The following HCRTR2 variants were observed in gnomAD, a reference collection of about 807,000 sequenced individuals.
The protein encoded by HCRTR2 is hypocretin receptor 2.
A neutral mutation model predicts 49.0 loss-of-function variants in HCRTR2; 22 were observed. The ratio of observed to expected loss-of-function variants is 0.45; its 90% CI spans 0.32 to 0.64. HCRTR2 has a LOEUF of 0.64. Ranked by LOEUF, HCRTR2 falls within the 30% of genes least tolerant of loss-of-function variation. The probability of loss-of-function intolerance (pLI) is 0.04; values close to 1 mark genes in which losing one functional copy is unlikely to be tolerated. For synonymous variants in HCRTR2, 236 were observed against 205.3 expected (o/e 1.15, Z -1.28); for missense variants, 491 against 559.4 (o/e 0.88, Z 1.23).
intron 2 of HCRTR2, among the ~76,000 whole-genome samples, chr6:55,252,478 G>A (rs1766568538): frequency 6.6e-6 from 1 of 152,078 alleles, no homozygotes; most frequent in Non-Finnish European, 1.5e-5. Context: ...CTCTAGCCCA[G>A]AAGCTATGAA....
intron 1 of HCRTR2, among the ~76,000 whole-genome samples, chr6:55,108,954 A>G (rs900782358): frequency 6.6e-6 from 1 of 152,094 alleles, no homozygotes; most frequent in East Asian, 1.9e-4. Context: ...GGCTGCCTGC[A>G]TATAAACTCG....
chr6:55,273,250 G>C (rs1767009370), intron 4 of HCRTR2, among the ~76,000 whole-genome samples: 1 of 151,948 alleles, frequency 6.6e-6, no homozygotes, highest in Non-Finnish European at 1.5e-5. Flanking sequence ...AATGTAAGGG[G>C]ATTATTGTTT....
chr6:55,129,555 G>A (rs1412184119), intron 1 of HCRTR2, among the ~76,000 whole-genome samples: 1 of 152,020 alleles, frequency 6.6e-6, no homozygotes, highest in African/African-American at 2.4e-5. Flanking sequence ...AAATTTACAA[G>A]TTATTCCATG....
chr6:55,159,220 G>A (rs938556187), intron 1 of HCRTR2, among the ~76,000 whole-genome samples: 22 of 152,012 alleles, frequency 1.4e-4, no homozygotes, highest in Admixed American at 9.8e-4. Context: ...ACGGGCCTGA[G>A]TGTAAGAAGG....
At chr6:55,137,875 A>C (rs754298194) in intron 1 of HCRTR2, among the ~76,000 whole-genome samples, 4 of 152,198 alleles carry the variant, frequency 2.6e-5, no homozygotes, top group Non-Finnish European at 5.9e-5. Flanking sequence ...GGTTTATATA[A>C]ATTTTAAAAA....
chr6:55,240,617 T>C (rs1354207588), intron 1 of HCRTR2, among the ~76,000 whole-genome samples: 1 of 151,786 alleles, frequency 6.6e-6, no homozygotes, highest in East Asian at 2.0e-4. Flanking sequence ...AAACTAGCAA[T>C]AGAAAGGAGG....
At chr6:55,126,614 G>C (rs143908596) in intron 1 of HCRTR2, among the ~76,000 whole-genome samples, 1 of 152,220 alleles carries the variant, frequency 6.6e-6, no homozygotes, top group Non-Finnish European at 1.5e-5. Context: ...AGCAGAGCTC[G>C]AATGCTGTGC....
upstream of HCRTR2, chr6:55,174,182 G>C (rs1247877794): frequency 4.9e-6 from 1 of 204,474 alleles, no homozygotes; most frequent in Non-Finnish European, 1.0e-5. Context: ...GATTAAATTA[G>C]TTTTCATTAC....
At chr6:55,109,837 G>C (rs571728665) in intron 1 of HCRTR2, among the ~76,000 whole-genome samples, 169 of 152,258 alleles carry the variant, frequency 1.1e-3, no homozygotes, top group African/African-American at 2.7e-3. Context: ...AGGTGCTAGA[G>C]ACCTAAACAT....
chr6:55,274,064 C>T (rs984753292), intron 4 of HCRTR2, among the ~76,000 whole-genome samples: 5 of 151,158 alleles, frequency 3.3e-5, no homozygotes, highest in African/African-American at 4.9e-5. Context: ...TTAGTACTTT[C>T]ATTTCCAGAA....
chr6:55,173,682 GACA>G (rs1167645728), upstream of HCRTR2, among the ~76,000 whole-genome samples: 4 of 152,134 alleles, frequency 2.6e-5, no homozygotes, highest in African/African-American at 7.2e-5. Context: ...TGTCATGCTT[GACA>G]ACATTAACTA....
Position 55,248,664 on chromosome 6 carries a change from C to A in HCRTR2, c.249C>A (p.His83Gln). The change falls in exon 2 of 7, where the codon CAC becomes CAA. Residue 83 changes from histidine to glutamine, a missense_variant. Transcript: ENST00000370862. ...VLVCVAVWKN[H>Q]HMRTVTNYFI... ...TTTGTGTGGCAGTGTGGAAGAACCA[C>A]CACATGAGGACGGTAACCAACTACT... The A allele has an allele frequency of 1.9e-6, 3 of 1,613,314 alleles. No individual in the cohort carries two copies. Among genetic ancestry groups the A allele is most frequent in the Non-Finnish European group, 2.5e-6 (3 of 1,179,404 alleles).
chr6:55,174,800 G>C lies in HCRTR2; in HGVS notation c.213G>C (p.Gly71=). Reference sequence around the variant, plus strand: ...TCGTGTTCGTCGTGGCTCTCATTGGGAACGTCCTGGGTGAGTCTCCTCCCG... The same window carrying C: ...TCGTGTTCGTCGTGGCTCTCATTGGCAACGTCCTGGGTGAGTCTCCTCCCG... ...YIIVFVVALI[G]NVLVCVAVWK... The change falls in exon 1 of 7, where the codon GGG becomes GGC. Residue 71 remains glycine (G), a synonymous_variant. Transcript: ENST00000370862. The C allele has an allele frequency of 6.2e-7, 1 of 1,613,962 alleles. No individual in the cohort carries two copies. Among genetic ancestry groups the C allele is most frequent in the Non-Finnish European group, 8.5e-7 (1 of 1,179,940 alleles).
chr6:55,228,017 C>A (rs751421803), intron 1 of HCRTR2, among the ~76,000 whole-genome samples: 1 of 152,054 alleles, frequency 6.6e-6, no homozygotes, highest in Non-Finnish European at 1.5e-5. Context: ...GGGCCTCAGG[C>A]ATTGCAGTAC....
At chr6:55,231,025 G>T (rs1352697831) in intron 1 of HCRTR2, among the ~76,000 whole-genome samples, 2 of 152,038 alleles carry the variant, frequency 1.3e-5, no homozygotes, top group African/African-American at 4.8e-5. Context: ...ATAGGCCCTT[G>T]CTATTTCTAG....
chr6:55,231,969 C>T (rs1198036586), intron 1 of HCRTR2, among the ~76,000 whole-genome samples: 3 of 152,128 alleles, frequency 2.0e-5, no homozygotes, highest in Non-Finnish European at 4.4e-5. Flanking sequence ...TGTGATCAGT[C>T]TCTCCGTTTT....
intron 1 of HCRTR2, among the ~76,000 whole-genome samples, chr6:55,242,104 A>G (rs1227195643): frequency 6.6e-6 from 1 of 151,952 alleles, no homozygotes; most frequent in East Asian, 1.9e-4. Context: ...TCCTGATCTC[A>G]GGGGATCCAC....
chr6:55,238,177 T>A (rs1198266799), intron 1 of HCRTR2, among the ~76,000 whole-genome samples: 1 of 152,188 alleles, frequency 6.6e-6, no homozygotes, highest in Non-Finnish European at 1.5e-5. Flanking sequence ...TCATTATCCT[T>A]TATCCCCTAG....
At chr6:55,226,339 C>T (rs1444885880) in intron 1 of HCRTR2, among the ~76,000 whole-genome samples, 3 of 152,116 alleles carry the variant, frequency 2.0e-5, no homozygotes, top group Non-Finnish European at 4.4e-5. Context: ...GACAAAGTCT[C>T]ACTCTGTTGC....
Sources: allele counts gnomAD v4.1 joint callset (sites outside exome capture counted in the v4.1 genomes callset), GRCh38; gene constraint gnomAD v4.1.1; transcripts MANE v1.5; gene names NCBI Gene and HGNC (gene_info 2026-07-23, HGNC 2026-07-21).